Variants in CHMP4B observed in about 807,000 individuals in gnomAD.
CHMP4B encodes the protein SNF7 homolog associated with Alix 1.
In CHMP4B, 1 loss-of-function variant was observed where a neutral mutation model predicts 25.1. The ratio of observed to expected loss-of-function variants is 0.04; its 90% CI spans 0.01 to 0.19. CHMP4B has a LOEUF of 0.19. Among genes scored for constraint, CHMP4B ranks in the 10% least tolerant of loss-of-function variants. The pLI, the probability that CHMP4B is intolerant of heterozygous loss-of-function variation, is 1.00. For synonymous variants in CHMP4B, 101 were observed against 115.6 expected (o/e 0.87, Z 0.81); for missense variants, 151 against 289.7 (o/e 0.52, Z 3.48).
intron 1 of CHMP4B, among the ~76,000 whole-genome samples, chr20:33,841,345 A>G (rs1035702780): frequency 1.3e-5 from 2 of 152,204 alleles, no homozygotes; most frequent in African/African-American, 4.8e-5. Context: ...GATACATCAC[A>G]GAGAAGGAGG....
At chr20:33,851,186 G>A (rs1378445880) in intron 3 of CHMP4B, 120 bp downstream of exon 3, 1 of 745,970 alleles carries the variant, frequency 1.3e-6, no homozygotes, top group East Asian at 2.6e-5. Context: ...ACAGGGCATG[G>A]TGTTAACCCT....
At chr20:33,845,357 C>G (rs534496558) in intron 1 of CHMP4B, among the ~76,000 whole-genome samples, 181 of 151,746 alleles carry the variant, frequency 1.2e-3, no homozygotes, top group African/African-American at 4.1e-3. Flanking sequence ...GAGTCTTGCT[C>G]TGTTGCCCAG....
intron 1 of CHMP4B, among the ~76,000 whole-genome samples, chr20:33,822,434 C>T (rs1054943098): frequency 1.3e-5 from 2 of 152,204 alleles, no homozygotes; most frequent in African/African-American, 2.4e-5. Flanking sequence ...CGTGAGCCAC[C>T]GTGCCCAGCC....
At chr20:33,835,703 G>A (rs1421638704) in intron 1 of CHMP4B, among the ~76,000 whole-genome samples, 1 of 152,186 alleles carries the variant, frequency 6.6e-6, no homozygotes, top group Non-Finnish European at 1.5e-5. Flanking sequence ...AATACCAGAG[G>A]CTGGGGTATG....
At position 33,811,408 on chromosome 20, in the gene CHMP4B, G is replaced by T; in HGVS notation, c.-61G>T. 1 of 1,311,776 alleles carries T rather than the reference G, an allele frequency of 7.6e-7. No individual in the cohort carries two copies. Among genetic ancestry groups the T allele is most frequent in the Non-Finnish European group, 9.9e-7 (1 of 1,012,648 alleles). The allele number at this position is 1,311,776 out of a possible 1,614,324, so 81.3% of individuals were successfully genotyped here. On this transcript the variant is annotated 5_prime_UTR_variant, in exon 1 of 5. Coordinates refer to ENST00000217402, the MANE Select transcript of CHMP4B (RefSeq NM_176812.5). ...GGAGCGGGCGCCGGAGCCGACCCGA[G>T]CCGAGCCGAGCCGAGCCGAGCCGGA... is the stretch of plus-strand genomic sequence containing the variant.
At chr20:33,832,009 A>G (rs1297913180) in intron 1 of CHMP4B, among the ~76,000 whole-genome samples, 1 of 152,088 alleles carries the variant, frequency 6.6e-6, no homozygotes, top group Non-Finnish European at 1.5e-5. Context: ...CCCCTTCATC[A>G]TGTCTCTCTT....
chr20:33,821,260 G>A (rs1012830856), intron 1 of CHMP4B, among the ~76,000 whole-genome samples: 5 of 151,964 alleles, frequency 3.3e-5, no homozygotes, highest in Admixed American at 1.3e-4. Flanking sequence ...GGTGGCAGGC[G>A]CCTGTAATCC....
chr20:33,853,008 C>A (rs1430957567), intron 4 of CHMP4B, among the ~76,000 whole-genome samples: 1 of 152,184 alleles, frequency 6.6e-6, no homozygotes, highest in African/African-American at 2.4e-5. Flanking sequence ...GCTGTGGTCA[C>A]CTCCCTCTCC....
chr20:33,842,638 G>T (rs1388262425), intron 1 of CHMP4B, among the ~76,000 whole-genome samples: 1 of 152,218 alleles, frequency 6.6e-6, no homozygotes, highest in East Asian at 1.9e-4. Context: ...GCATTTGTGT[G>T]TAAGTGTCCT....
Position 33,853,411 on chromosome 20 carries a change from C to A in CHMP4B, c.611-85C>A, listed in dbSNP as rs528024749. On this transcript the variant is annotated intron_variant, in intron 4 of 4. Transcript: ENST00000217402. ...CAGGGCAGGGCTGTTTGACAGACACCATGGAGCACAGGCAGCCCTCATTTC... is the reference window on the plus strand; with the variant it reads ...CAGGGCAGGGCTGTTTGACAGACACAATGGAGCACAGGCAGCCCTCATTTC... 28 of 1,265,182 alleles carry A rather than the reference C, an allele frequency of 2.2e-5. No homozygotes were observed. The East Asian group carries it at 4.9e-4, about 22-fold the overall frequency. The allele number at this position is 1,265,182 out of a possible 1,614,324, so 78.4% of individuals were successfully genotyped here.
At chr20:33,838,413 G>T (rs1473791344) in intron 1 of CHMP4B, among the ~76,000 whole-genome samples, 1 of 152,210 alleles carries the variant, frequency 6.6e-6, no homozygotes, top group African/African-American at 2.4e-5. Context: ...TTCCAAAAGG[G>T]ATGGCTGCTG....
intron 1 of CHMP4B, among the ~76,000 whole-genome samples, chr20:33,816,356 A>G (rs986645389): frequency 6.6e-6 from 1 of 152,214 alleles, no homozygotes; most frequent in African/African-American, 2.4e-5. Context: ...AATATATGAA[A>G]GAGTGTGGCA....
intron 1 of CHMP4B, among the ~76,000 whole-genome samples, chr20:33,815,290 A>G (rs1978753472): frequency 6.6e-6 from 1 of 152,226 alleles, no homozygotes; most frequent in African/African-American, 2.4e-5. Context: ...TATCATTATT[A>G]CAAGGAGACT....
At chr20:33,824,476 A>G (rs1898672260) in intron 1 of CHMP4B, among the ~76,000 whole-genome samples, 3 of 152,270 alleles carry the variant, frequency 2.0e-5, no homozygotes, top group Admixed American at 2.0e-4. Flanking sequence ...TGTTATACAC[A>G]GTGGGACTAG....
In CHMP4B at chr20:33,853,841, T is replaced by C. The variant is rs1979930317; in HGVS notation, c.*281T>C. The C allele has an allele frequency of 7.8e-6, 4 of 513,362 alleles. No individual in the cohort carries two copies. Among genetic ancestry groups the C allele is most frequent in the East Asian group, 7.6e-5 (2 of 26,150 alleles). 31.8% of individuals were successfully genotyped at this position (513,362 alleles called of 1,614,324 possible). On this transcript the variant is annotated 3_prime_UTR_variant, in exon 5 of 5. Coordinates refer to ENST00000217402, the MANE Select transcript of CHMP4B (RefSeq NM_176812.5). ...TGTATTTGCAAATCCAACATTGAGC[T>C]TCTGGACTACGCTGACTCCACTGCT...
chr20:33,842,442 G>A (rs1979570160), intron 1 of CHMP4B, among the ~76,000 whole-genome samples: 1 of 152,210 alleles, frequency 6.6e-6, no homozygotes, highest in Non-Finnish European at 1.5e-5. Context: ...CTGGCTAAGG[G>A]CACCCTGAAT....
At chr20:33,828,528 C>T (rs1979154467) in intron 1 of CHMP4B, among the ~76,000 whole-genome samples, 1 of 152,136 alleles carries the variant, frequency 6.6e-6, no homozygotes, top group East Asian at 1.9e-4. Flanking sequence ...GCGGGCACAG[C>T]CGTGGTGGAG....
intron 1 of CHMP4B, among the ~76,000 whole-genome samples, chr20:33,831,907 A>G (rs1182383794): frequency 6.6e-6 from 1 of 152,154 alleles, no homozygotes; most frequent in Non-Finnish European, 1.5e-5. Context: ...TTTTAAGGAC[A>G]AGGCAAGACT....
intron 2 of CHMP4B, among the ~76,000 whole-genome samples, chr20:33,848,904 G>T (rs745881437): frequency 4.0e-4 from 61 of 152,212 alleles, no homozygotes; most frequent in Non-Finnish European, 8.1e-4. Flanking sequence ...GCCTTTAGAA[G>T]GTCCTCTTGT....
Sources: allele counts gnomAD v4.1 joint callset (sites outside exome capture counted in the v4.1 genomes callset), GRCh38; gene constraint gnomAD v4.1.1; transcripts MANE v1.5; gene names NCBI Gene and HGNC (gene_info 2026-07-23, HGNC 2026-07-21).